OPCML: variants seen among roughly 807,000 people sequenced by gnomAD.
The protein encoded by OPCML is opioid-binding protein/cell adhesion molecule.
OPCML carries 13 observed loss-of-function variants against 37.8 expected under a neutral mutation model. The ratio of observed to expected loss-of-function variants is 0.34; its 90% CI spans 0.22 to 0.55. OPCML has a LOEUF of 0.55. Ranked by LOEUF, OPCML falls within the 20% of genes least tolerant of loss-of-function variation. The probability of loss-of-function intolerance (pLI) is 0.91; values close to 1 mark genes in which losing one functional copy is unlikely to be tolerated. For missense variants in OPCML, 341 were observed against 435.6 expected (o/e 0.78, Z 1.93); for synonymous variants, 176 against 168.8 (o/e 1.04, Z -0.33).
chr11:132,751,075 A>G lies in OPCML; in HGVS notation c.147-93756T>C, dbSNP rs567014162. 2.6e-5 allele frequency among the ~76,000 whole-genome samples: 4 copies of G among 152,350 alleles called. No individual in the cohort carries two copies. The East Asian group carries it at 7.7e-4, about 29-fold the overall frequency. On this transcript the variant is annotated intron_variant, in intron 2 of 7. Coordinates refer to ENST00000524381, the MANE Select transcript of OPCML (RefSeq NM_001012393.5). ...AATGTGATCATGAACAAACCGGAAC[A>G]AGAACAGGTTTGTTCAAGATCAAGA... is the stretch of plus-strand genomic sequence containing the variant.
At chr11:132,889,375 C>T (rs79183574) in intron 2 of OPCML, among the ~76,000 whole-genome samples, 8,213 of 152,248 alleles carry the variant, frequency 0.054, 269 homozygotes, top group East Asian at 0.11. Flanking sequence ...GTACTTCTGA[C>T]CTCATGGAGT....
chr11:132,452,475 G>GCCCT (rs2096070807), intron 4 of OPCML, among the ~76,000 whole-genome samples: 1 of 147,616 alleles, frequency 6.8e-6, no homozygotes, highest in Non-Finnish European at 1.5e-5. Flanking sequence ...CCACCAGCCT[G>GCCCT]CCCTCCCTCC....
chr11:133,417,672 C>T (rs1945798414), intron 1 of OPCML, among the ~76,000 whole-genome samples: 1 of 145,596 alleles, frequency 6.9e-6, no homozygotes, highest in African/African-American at 2.7e-5. Flanking sequence ...ATGTGATGTT[C>T]CCCTTCCTGT....
intron 1 of OPCML, among the ~76,000 whole-genome samples, chr11:133,359,470 A>T (rs1359083489): frequency 1.3e-5 from 2 of 152,240 alleles, no homozygotes; most frequent in African/African-American, 4.8e-5. Context: ...TTTATTTAGC[A>T]TCTACTATGT....
intron 4 of OPCML, among the ~76,000 whole-genome samples, chr11:132,466,347 G>T (rs991435484): frequency 6.6e-6 from 1 of 151,786 alleles, no homozygotes; most frequent in Admixed American, 6.6e-5. Context: ...AGCCAGGTGT[G>T]GTGGCGGGCG....
At chr11:132,639,771 C>T (rs1940739560) in intron 3 of OPCML, among the ~76,000 whole-genome samples, 1 of 152,140 alleles carries the variant, frequency 6.6e-6, no homozygotes, top group Admixed American at 6.5e-5. Flanking sequence ...CAACAGATAA[C>T]TTTAGAAAGT....
chr11:132,962,286 A>G (rs901825814), intron 1 of OPCML, among the ~76,000 whole-genome samples: 2 of 152,176 alleles, frequency 1.3e-5, no homozygotes, highest in Non-Finnish European at 2.9e-5. Context: ...AAACCAGCCC[A>G]ATTATCTCAG....
intron 1 of OPCML, among the ~76,000 whole-genome samples, chr11:133,354,317 G>T (rs1944229849): frequency 3.6e-5 from 1 of 27,866 alleles, no homozygotes; most frequent in Non-Finnish European, 7.0e-5. Flanking sequence ...TGTTGGTAGT[G>T]GTGGTGGTGG....
chr11:132,573,107 A>C (rs997397282), intron 3 of OPCML, among the ~76,000 whole-genome samples: 1 of 151,890 alleles, frequency 6.6e-6, no homozygotes, highest in Non-Finnish European at 1.5e-5. Context: ...TCCATCCTGC[A>C]ACTTTACAGA....
chr11:133,419,334 T>C, intron 1 of OPCML: 1 of 985,426 alleles, frequency 1.0e-6, no homozygotes, highest in Non-Finnish European at 1.2e-6. Context: ...GAATCTCAGG[T>C]TAAGTCACTG....
rs1384202815 is a variant in OPCML at position 133,140,787 on chromosome 11, CGAAGAA to C, written c.62-197783_62-197778del. On this transcript the variant is annotated intron_variant, in intron 1 of 7. Transcript: ENST00000524381. The stretch of plus-strand genomic sequence containing the variant: ...ACGAAGAAGAAGAAGAAGAAGACGA[CGAAGAA>C]GAAGAAGAAGAAGACGACGACGAAG... 1.1e-4 allele frequency among the ~76,000 whole-genome samples: 13 copies of C among 118,950 alleles called. 5 individuals are homozygous for C. The highest frequency in any genetic ancestry group is 5.7e-4 in the South Asian group (2 of 3,492). 78.0% of individuals were successfully genotyped at this position (118,950 alleles called of 152,430 possible).
At chr11:133,030,189 A>G (rs1947640547) in intron 1 of OPCML, among the ~76,000 whole-genome samples, 1 of 152,228 alleles carries the variant, frequency 6.6e-6, no homozygotes, top group Non-Finnish European at 1.5e-5. Flanking sequence ...TGCAAAACCA[A>G]GTCTCCTAAC....
chr11:133,221,592 C>T (rs944878926), intron 1 of OPCML, among the ~76,000 whole-genome samples: 4 of 152,126 alleles, frequency 2.6e-5, no homozygotes, highest in Non-Finnish European at 4.4e-5. Context: ...GTCCAAGACC[C>T]GCCCCTGTGT....
At chr11:132,996,873 G>T (rs867651086) in intron 1 of OPCML, among the ~76,000 whole-genome samples, 1 of 152,024 alleles carries the variant, frequency 6.6e-6, no homozygotes, top group Non-Finnish European at 1.5e-5. Context: ...ATCATTTATC[G>T]CTCAGTGACA....
chr11:133,370,666 A>C (rs986103330), intron 1 of OPCML, among the ~76,000 whole-genome samples: 1 of 152,130 alleles, frequency 6.6e-6, no homozygotes, highest in Non-Finnish European at 1.5e-5. Flanking sequence ...GGAAAAAATC[A>C]ACTCAAGATG....
At chr11:133,282,026 A>G (rs1942171805) in intron 1 of OPCML, among the ~76,000 whole-genome samples, 1 of 146,550 alleles carries the variant, frequency 6.8e-6, no homozygotes. Flanking sequence ...AACAACAACA[A>G]AAAAAAACTT....
intron 3 of OPCML, among the ~76,000 whole-genome samples, chr11:132,572,747 T>C (rs541792208): frequency 4.0e-4 from 61 of 152,134 alleles, no homozygotes; most frequent in Non-Finnish European, 6.2e-4. Context: ...TGTAGTTCTA[T>C]ATGAATTGTA....
chr11:133,351,446 C>T (rs1168358880), intron 1 of OPCML, among the ~76,000 whole-genome samples: 1 of 152,164 alleles, frequency 6.6e-6, no homozygotes, highest in African/African-American at 2.4e-5. Context: ...AACCCCAAAA[C>T]ATACTTGCCT....
chr11:132,537,060 G>T (rs761003622), intron 3 of OPCML, among the ~76,000 whole-genome samples: 3 of 152,168 alleles, frequency 2.0e-5, no homozygotes, highest in Non-Finnish European at 2.9e-5. Context: ...GCAACAAGTT[G>T]GGTCTTATCA....
Sources: allele counts gnomAD v4.1 joint callset (sites outside exome capture counted in the v4.1 genomes callset), GRCh38; gene constraint gnomAD v4.1.1; transcripts MANE v1.5; gene names NCBI Gene and HGNC (gene_info 2026-07-23, HGNC 2026-07-21).